The following SERPINA4 variants were observed in gnomAD, a reference collection of about 807,000 sequenced individuals.
SERPINA4 encodes kallistatin.
SERPINA4 carries 24 observed loss-of-function variants against 25.4 expected under a neutral mutation model. That is an observed-to-expected ratio of 0.95 (90% confidence interval 0.69 to 1.33). The LOEUF is 1.33. Ranked by LOEUF, SERPINA4 falls within the 40% of genes most tolerant of loss-of-function variation. The probability of loss-of-function intolerance (pLI) is 0.00; values close to 1 mark genes in which losing one functional copy is unlikely to be tolerated. For missense variants in SERPINA4, 553 were observed against 535.8 expected (o/e 1.03, Z -0.32); for synonymous variants, 242 against 223.6 (o/e 1.08, Z -0.73).
chr14:94,569,481 C>A lies in SERPINA4; in HGVS notation c.1170C>A (p.Ala390=), dbSNP rs143272941. ...ATSFAIKFFS[A]QTNRHILRFN... ...GCTTCGCGATCAAATTCTTCTCTGC[C>A]CAGACCAATCGCCACATCCTGCGAT... The change falls in exon 5 of 5, where the codon GCC becomes GCA. Residue 390 remains alanine (A), a synonymous_variant. Coordinates refer to ENST00000557004, the MANE Select transcript of SERPINA4 (RefSeq NM_006215.4). 2.2e-4 allele frequency: 351 copies of A among 1,614,186 alleles called. No individual in the cohort carries two copies. In the African/African-American group the frequency reaches 4.3e-3, roughly 20 times the overall value.
At chr14:94,561,897 TG>T (rs1227118463) in intron 1 of SERPINA4, 24 of 1,286,766 alleles carry the variant, frequency 1.9e-5, no homozygotes, top group Non-Finnish European at 2.2e-5. Context: ...CTCCAACTGC[TG>T]AGTGGAGAAC....
chr14:94,561,610 G>A (rs978648143), intron 1 of SERPINA4, 116 bp downstream of exon 1: 2 of 1,251,286 alleles, frequency 1.6e-6, no homozygotes, highest in African/African-American at 3.1e-5. Flanking sequence ...GCTAAAACCA[G>A]GAAAGTCCCA....
In SERPINA4 at chr14:94,564,105, T is replaced by C. The variant is rs201586458; in HGVS notation, c.623T>C (p.Val208Ala). The change falls in exon 2 of 5, where the codon GTG becomes GCG. Residue 208 changes from valine (V) to alanine (A), a missense_variant. Physicochemically the swap from Val to Ala is moderately conservative, Grantham distance 64. Coordinates refer to ENST00000557004, the MANE Select transcript of SERPINA4 (RefSeq NM_006215.4). ...GAGCTCAAGAAGGACGTCTTGATGG[T>C]GCTGGTGAATTACATTTACTTCAAA... ...VSELKKDVLM[V>A]LVNYIYFKAL... 29 of 1,601,190 alleles carry C rather than the reference T, an allele frequency of 1.8e-5. 1 individual carries two copies. The Middle Eastern group carries it at 8.2e-4, about 45-fold the overall frequency.
chr14:94,566,694 A>G (rs1311133393), intron 2 of SERPINA4, among the ~76,000 whole-genome samples: 3 of 152,208 alleles, frequency 2.0e-5, no homozygotes, highest in Non-Finnish European at 2.9e-5. Flanking sequence ...CTCTCTTTCC[A>G]GCACCCCTTG....
In SERPINA4 at chr14:94,563,591, C is replaced by T. The variant is rs199840525; in HGVS notation, c.109C>T (p.Gln37Ter). The T allele has an allele frequency of 2.5e-5, 40 of 1,614,040 alleles. No individual in the cohort carries two copies. The highest frequency in any genetic ancestry group is 1.8e-4 in the East Asian group (8 of 44,886). Residue 37 changes from glutamine to a stop codon, truncating the protein, a stop_gained, in exon 2 of 5, where the codon CAG (glutamine) becomes TAG (stop). Coordinates refer to ENST00000557004, the MANE Select transcript of SERPINA4 (RefSeq NM_006215.4). LOFTEE classifies it high-confidence loss of function. ...DGESCSNSSH[Q>*]QILETGEGSP... ...TGAGAGTTGCAGTAACAGCTCCCAC[C>T]AGCAGATTCTGGAGACAGGTGAGGG...
chr14:94,569,698 A>T lies in SERPINA4; in HGVS notation c.*103A>T, dbSNP rs1347188718. 1 of 1,287,224 alleles carries T rather than the reference A, an allele frequency of 7.8e-7. No homozygotes were observed. Among genetic ancestry groups the T allele is most frequent in the African/African-American group, 1.5e-5 (1 of 68,262 alleles). The allele number at this position is 1,287,224 out of a possible 1,614,324, so 79.7% of individuals were successfully genotyped here. On this transcript the variant is annotated 3_prime_UTR_variant, in exon 5 of 5. Coordinates refer to ENST00000557004, the MANE Select transcript of SERPINA4 (RefSeq NM_006215.4). ...GAGTTGGGGACAAGGATGACACCGAAGGTCCAGGAGTCCAGGACAGCAGGT... is the reference window on the plus strand; with the variant it reads ...GAGTTGGGGACAAGGATGACACCGATGGTCCAGGAGTCCAGGACAGCAGGT...
At chr14:94,564,727 A>G (rs1902148421) in intron 2 of SERPINA4, among the ~76,000 whole-genome samples, 1 of 152,222 alleles carries the variant, frequency 6.6e-6, no homozygotes, top group East Asian at 1.9e-4. Flanking sequence ...GCAATGCCTA[A>G]AATAGTTAAT....
At chr14:94,566,681 A>G (rs756152644) in intron 2 of SERPINA4, among the ~76,000 whole-genome samples, 6 of 152,162 alleles carry the variant, frequency 3.9e-5, no homozygotes, top group Admixed American at 6.5e-5. Context: ...CCTAACAATG[A>G]AACTCTCTTT....
chr14:94,561,632 A>T, intron 1 of SERPINA4, 138 bp downstream of exon 1: 1 of 1,277,400 alleles, frequency 7.8e-7, no homozygotes, highest in Non-Finnish European at 1.0e-6. Flanking sequence ...GCAAGCTGGG[A>T]CACTTTGTCA....
chr14:94,563,733 C>T lies in SERPINA4; in HGVS notation c.251C>T (p.Ala84Val), dbSNP rs200334312. 7.7e-5 allele frequency: 124 copies of T among 1,614,018 alleles called. No individual in the cohort carries two copies. The highest frequency in any genetic ancestry group is 9.7e-5 in the Non-Finnish European group (115 of 1,180,040). ...TTTTTCTCCCCGCTGAGCATCTCGG[C>T]GGCCTACGCCATGCTTTCCCTGGGG... Reference protein sequence around the residue: ...NIFFSPLSISAAYAMLSLGAC... With the variant: ...NIFFSPLSISVAYAMLSLGAC... Residue 84 changes from alanine to valine, a missense_variant, in exon 2 of 5, where the codon GCG (alanine) becomes GTG (valine). Physicochemically the swap from Ala to Val is moderately conservative, Grantham distance 64 (BLOSUM62 0). Coordinates refer to ENST00000557004, the MANE Select transcript of SERPINA4 (RefSeq NM_006215.4).
intron 2 of SERPINA4, among the ~76,000 whole-genome samples, chr14:94,564,899 A>G (rs1369762957): frequency 6.6e-6 from 1 of 152,260 alleles, no homozygotes; most frequent in Non-Finnish European, 1.5e-5. Flanking sequence ...TACCACTCAG[A>G]GGCAACAAAT....
intron 2 of SERPINA4, among the ~76,000 whole-genome samples, chr14:94,564,649 G>C (rs2139902561): frequency 6.6e-6 from 1 of 152,342 alleles, no homozygotes; most frequent in East Asian, 1.9e-4. Context: ...ATTCATTTAT[G>C]TATTGTCTGT....
Position 94,563,868 on chromosome 14 carries a change from A to G in SERPINA4, c.386A>G (p.Asn129Ser), listed in dbSNP as rs368977287. 5 of 1,612,768 alleles carry G rather than the reference A, an allele frequency of 3.1e-6. No individual in the cohort carries two copies. In the African/African-American group the frequency reaches 5.4e-5, roughly 17 times the overall value. The part of the protein sequence containing the change: ...RGFQHLLHTL[N>S]LPGHGLETRV... ...TTCCAGCACCTCCTGCACACTCTCA[A>G]CCTCCCCGGCCATGGGCTGGAAACA... Residue 129 changes from asparagine (N) to serine (S), a missense_variant, in exon 2 of 5, where the codon AAC (asparagine) becomes AGC (serine). Asn to Ser is a conservative substitution (Grantham distance 46). Transcript: ENST00000557004.
At position 94,563,969 on chromosome 14, in the gene SERPINA4, T is replaced by A. The variant is rs1350613201; in HGVS notation, c.487T>A (p.Tyr163Asn). The stretch of plus-strand genomic sequence containing the variant: ...ATTCCTGAATGACACCATGGCCGTC[T>A]ATGAGGCTAAACTCTTCCACACCAA... ...AKFLNDTMAV[Y>N]EAKLFHTNFY... The change falls in exon 2 of 5, where the codon TAT becomes AAT. Residue 163 changes from tyrosine (Y) to asparagine (N), a missense_variant. Transcript: ENST00000557004. The A allele has an allele frequency of 6.2e-7, 1 of 1,614,216 alleles. No individual in the cohort carries two copies. The highest frequency in any genetic ancestry group is 8.5e-7 in the Non-Finnish European group (1 of 1,180,046).
At chr14:94,565,725 G>A (rs1258966928) in intron 2 of SERPINA4, among the ~76,000 whole-genome samples, 3 of 151,696 alleles carry the variant, frequency 2.0e-5, no homozygotes, top group African/African-American at 7.3e-5. Context: ...AGGCTTCATG[G>A]CACATGCCTG....
chr14:94,569,504 G>C lies in SERPINA4; in HGVS notation c.1193G>C (p.Arg398Pro). Residue 398 changes from arginine (R) to proline (P), a missense_variant, in exon 5 of 5, where the codon CGA becomes CCA. Transcript: ENST00000557004. Reference sequence around the variant, plus strand: ...GCCCAGACCAATCGCCACATCCTGCGATTCAACCGGCCCTTCCTTGTGGTG... The same window carrying C: ...GCCCAGACCAATCGCCACATCCTGCCATTCAACCGGCCCTTCCTTGTGGTG... ...FSAQTNRHIL[R>P]FNRPFLVVIF... The C allele has an allele frequency of 1.2e-6, 2 of 1,614,188 alleles. No homozygotes were observed. Among genetic ancestry groups the C allele is most frequent in the Non-Finnish European group, 1.7e-6 (2 of 1,180,032 alleles).
At chr14:94,568,319 G>T in intron 4 of SERPINA4, 31 bp downstream of exon 4, 2 of 1,613,068 alleles carry the variant, frequency 1.2e-6, no homozygotes, top group Non-Finnish European at 1.7e-6. Context: ...AATCCCTAGA[G>T]AACTCGGTAG....
intron 4 of SERPINA4, 64 bp from the exon 5 acceptor site, chr14:94,569,331 C>T (rs923666765): frequency 1.7e-5 from 25 of 1,478,174 alleles, no homozygotes; most frequent in Middle Eastern, 1.7e-4. Context: ...TTCTGGCTCT[C>T]GCAGTCTTGT....
At chr14:94,564,956 A>G (rs1482794787) in intron 2 of SERPINA4, among the ~76,000 whole-genome samples, 1 of 152,230 alleles carries the variant, frequency 6.6e-6, no homozygotes, top group African/African-American at 2.4e-5. Flanking sequence ...ACACACATAT[A>G]TGTCCACACA....
Sources: gnomAD v4.1 joint callset for allele counts (sites outside exome capture counted in the v4.1 genomes callset) on GRCh38, gnomAD v4.1.1 for gene constraint, MANE v1.5 for transcripts, NCBI Gene and HGNC (gene_info 2026-07-23, HGNC 2026-07-21) for gene names.